The following NFIB variants were observed in gnomAD, a reference collection of about 807,000 sequenced individuals.
The protein encoded by NFIB is nuclear factor I B, also known as nuclear factor 1 B-type.
A neutral mutation model predicts 61.5 loss-of-function variants in NFIB; 11 were observed. The observed-to-expected ratio is 0.18, with a 90% confidence interval of 0.11 to 0.30. The LOEUF (loss-of-function observed/expected upper bound fraction) is 0.30. Among genes scored for constraint, NFIB ranks in the 10% least tolerant of loss-of-function variants. The pLI is 1.00. For synonymous variants in NFIB, 260 were observed against 216.5 expected (o/e 1.20, Z -1.76); for missense variants, 471 against 608.9 (o/e 0.77, Z 2.38).
the NFIB span, among the ~76,000 whole-genome samples, chr9:14,412,957 A>G: frequency 6.6e-6 from 1 of 151,970 alleles, no homozygotes; most frequent in Non-Finnish European, 1.5e-5. Context: ...AGCCCTGCCC[A>G]CTCCAGAAGA....
At chr9:14,505,883 C>T in the NFIB span, among the ~76,000 whole-genome samples, 1 of 152,068 alleles carries the variant, frequency 6.6e-6, no homozygotes, top group Non-Finnish European at 1.5e-5. Flanking sequence ...GACTGAAAAC[C>T]ATTTGTGACT....
intron 2 of NFIB, among the ~76,000 whole-genome samples, chr9:14,271,132 C>T (rs2057583049): frequency 6.6e-6 from 1 of 151,560 alleles, no homozygotes; most frequent in Admixed American, 6.6e-5. Context: ...TGGCCCAACC[C>T]CCTGCAAAGA....
chr9:14,461,004 C>T, the NFIB span, among the ~76,000 whole-genome samples: 305 of 133,814 alleles, frequency 2.3e-3, 1 homozygote, highest in African/African-American at 7.3e-3. Context: ...CTTAGAGGAT[C>T]GTACTTCTTT....
At chr9:14,327,181 C>T (rs1261113516) in intron 1 of NFIB, among the ~76,000 whole-genome samples, 2 of 152,100 alleles carry the variant, frequency 1.3e-5, no homozygotes, top group African/African-American at 4.8e-5. Flanking sequence ...TGCACGAAAG[C>T]GCTAGACAGT....
At chr9:14,461,951 CAT>C in the NFIB span, among the ~76,000 whole-genome samples, 3 of 152,314 alleles carry the variant, frequency 2.0e-5, no homozygotes, top group African/African-American at 4.8e-5. Context: ...CTCGTATACA[CAT>C]GTTATTGATG....
At chr9:14,351,865 C>T (rs1030784496) in intron 1 of NFIB, among the ~76,000 whole-genome samples, 3 of 152,156 alleles carry the variant, frequency 2.0e-5, no homozygotes, top group African/African-American at 7.2e-5. Context: ...CCTATGCAGG[C>T]CTTTGAAAAG....
intron 1 of NFIB, among the ~76,000 whole-genome samples, chr9:14,376,008 T>G (rs1412159184): frequency 6.6e-6 from 1 of 152,226 alleles, no homozygotes; most frequent in Admixed American, 6.5e-5. Context: ...ATAAATACTT[T>G]CACACATCAC....
At chr9:14,119,710 A>G (rs1405632985) in intron 8 of NFIB, among the ~76,000 whole-genome samples, 1 of 152,226 alleles carries the variant, frequency 6.6e-6, no homozygotes, top group African/African-American at 2.4e-5. Context: ...TTTAGATATT[A>G]CAATTATTGA....
chr9:14,479,377 C>T, the NFIB span, among the ~76,000 whole-genome samples: 1 of 152,196 alleles, frequency 6.6e-6, no homozygotes, highest in Non-Finnish European at 1.5e-5. Context: ...TTCGGAGAAA[C>T]AGCTGTGGGT....
chr9:14,086,209 T>C lies in NFIB; in HGVS notation c.*2100A>G, dbSNP rs2032840297. 4.5e-6 allele frequency: 1 copy of C among 223,384 alleles called. No individual in the cohort carries two copies. Among genetic ancestry groups the C allele is most frequent in the Non-Finnish European group, 9.0e-6 (1 of 111,584 alleles). 13.8% of individuals were successfully genotyped at this position (223,384 alleles called of 1,614,324 possible). A position where few individuals can be genotyped will look rare whatever the true frequency, so the allele number is the denominator to read the frequency against. Reference sequence around the variant, plus strand: ...ATCTCAGGGTGCACTGCTTCACAGCTACACTGCAAAGTGTTAAAAATCCTC... The same window carrying C: ...ATCTCAGGGTGCACTGCTTCACAGCCACACTGCAAAGTGTTAAAAATCCTC... On this transcript the variant is annotated 3_prime_UTR_variant, in exon 11 of 11. Transcript: ENST00000380953.
At chr9:14,118,290 C>G (rs923047940) in intron 8 of NFIB, among the ~76,000 whole-genome samples, 3 of 152,036 alleles carry the variant, frequency 2.0e-5, no homozygotes, top group Non-Finnish European at 4.4e-5. Flanking sequence ...TTTCTACATA[C>G]AGTGTTCACC....
intron 2 of NFIB, among the ~76,000 whole-genome samples, chr9:14,288,212 C>T (rs189663457): frequency 6.6e-6 from 1 of 151,806 alleles, no homozygotes; most frequent in Admixed American, 6.6e-5. Flanking sequence ...AATTGAAATA[C>T]CAGAATTAGT....
At chr9:14,227,566 T>C (rs958343017) in intron 2 of NFIB, among the ~76,000 whole-genome samples, 1 of 152,228 alleles carries the variant, frequency 6.6e-6, no homozygotes, top group Admixed American at 6.5e-5. Flanking sequence ...GTAATATGAA[T>C]ACTGGCATGA....
chr9:14,258,512 G>C (rs1284144158), intron 2 of NFIB, among the ~76,000 whole-genome samples: 2 of 152,202 alleles, frequency 1.3e-5, no homozygotes, highest in Non-Finnish European at 2.9e-5. Flanking sequence ...GACAGATGAT[G>C]TTGCACTACT....
Position 14,218,478 on chromosome 9 carries a change from T to C in NFIB, c.563-38698A>G, listed in dbSNP as rs148253317. Among the ~76,000 whole-genome samples, 10 of 152,260 alleles carry C rather than the reference T, an allele frequency of 6.6e-5. No individual in the cohort carries two copies. In the East Asian group the frequency reaches 1.9e-3, roughly 29 times the overall value. ...GAAAAAGACTTTGCATACAGTAATGTGAGACGCTGAAGGTGCATGGCAAAC... is the reference window on the plus strand; with the variant it reads ...GAAAAAGACTTTGCATACAGTAATGCGAGACGCTGAAGGTGCATGGCAAAC... On this transcript the variant is annotated intron_variant, in intron 2 of 10. Transcript: ENST00000380953.
intron 1 of NFIB, among the ~76,000 whole-genome samples, chr9:14,309,723 C>T (rs1338266106): frequency 6.6e-6 from 1 of 152,140 alleles, no homozygotes; most frequent in Non-Finnish European, 1.5e-5. Flanking sequence ...TTGTTTATCC[C>T]CTTTAGGAAT....
At chr9:14,096,376 C>G in intron 10 of NFIB, 1 of 152,140 alleles carries the variant, frequency 6.6e-6, no homozygotes, top group East Asian at 1.9e-4. Context: ...GTGCTCTGAA[C>G]AGGCCACCGG....
intron 2 of NFIB, among the ~76,000 whole-genome samples, chr9:14,214,532 C>T (rs1053308470): frequency 2.6e-5 from 4 of 152,234 alleles, no homozygotes; most frequent in African/African-American, 9.6e-5. Context: ...AGCAGCCTAA[C>T]AGAAAAGTCA....
chr9:14,372,968 C>T (rs1462476317), intron 1 of NFIB, among the ~76,000 whole-genome samples: 2 of 150,476 alleles, frequency 1.3e-5, no homozygotes, highest in African/African-American at 2.5e-5. Flanking sequence ...GCAAGCATCC[C>T]TTATACAGGG....
Sources: gnomAD v4.1 joint callset for allele counts (sites outside exome capture counted in the v4.1 genomes callset) on GRCh38, gnomAD v4.1.1 for gene constraint, MANE v1.5 for transcripts, NCBI Gene and HGNC (gene_info 2026-07-23, HGNC 2026-07-21) for gene names.